PHF24: variants seen among roughly 807,000 people sequenced by gnomAD.
The protein encoded by PHF24 is Galpha inhibitory interacting protein.
A neutral mutation model predicts 42.6 loss-of-function variants in PHF24; 25 were observed. The ratio of observed to expected loss-of-function variants is 0.59; its 90% CI spans 0.43 to 0.82. PHF24 has a LOEUF of 0.82. Ranked by LOEUF, PHF24 falls within the 40% of genes least tolerant of loss-of-function variation. The pLI, the probability that PHF24 is intolerant of heterozygous loss-of-function variation, is 0.00. For missense variants in PHF24, 470 were observed against 538.1 expected (o/e 0.87, Z 1.25); for synonymous variants, 185 against 204.8 (o/e 0.90, Z 0.83).
At chr9:34,970,506 G>A (rs992671457) in intron 1 of PHF24, among the ~76,000 whole-genome samples, 14 of 152,132 alleles carry the variant, frequency 9.2e-5, no homozygotes, top group Admixed American at 1.3e-4. Context: ...ACATGGATAC[G>A]GGTGGCAGAG....
the PHF24 span, among the ~76,000 whole-genome samples, chr9:34,749,475 C>T: frequency 3.9e-5 from 6 of 152,022 alleles, no homozygotes; most frequent in African/African-American, 1.2e-4. Flanking sequence ...GCTCACACCT[C>T]TAATCTGAGC....
the PHF24 span, among the ~76,000 whole-genome samples, chr9:34,762,766 A>G: frequency 6.6e-6 from 1 of 152,058 alleles, no homozygotes; most frequent in Non-Finnish European, 1.5e-5. Flanking sequence ...ACATGAAGAC[A>G]TTGCCCATGC....
the PHF24 span, chr9:34,894,485 CT>C: frequency 2.5e-6 from 1 of 398,620 alleles, no homozygotes; most frequent in Non-Finnish European, 4.4e-6. Flanking sequence ...CGGCTTCTTC[CT>C]GTGAAGTTCT....
At chr9:34,703,886 G>T in the PHF24 span, among the ~76,000 whole-genome samples, 1 of 151,920 alleles carries the variant, frequency 6.6e-6, no homozygotes, top group East Asian at 1.9e-4. Context: ...TTTGGAATTG[G>T]TTTCAGGTTT....
chr9:34,931,659 C>T, the PHF24 span, among the ~76,000 whole-genome samples: 1 of 152,160 alleles, frequency 6.6e-6, no homozygotes, highest in Non-Finnish European at 1.5e-5. Flanking sequence ...CAAGTGCTTG[C>T]TCCTGCTTTG....
At chr9:34,914,970 T>C in the PHF24 span, among the ~76,000 whole-genome samples, 1 of 103,442 alleles carries the variant, frequency 9.7e-6, no homozygotes, top group Admixed American at 1.1e-4. Context: ...TTTTTTTTTT[T>C]TGGTAGAGAC....
chr9:34,807,893 A>G, the PHF24 span, among the ~76,000 whole-genome samples: 204 of 152,310 alleles, frequency 1.3e-3, no homozygotes, highest in African/African-American at 4.8e-3. Flanking sequence ...GTGCACTGAC[A>G]TAACAGTAAA....
the PHF24 span, among the ~76,000 whole-genome samples, chr9:34,798,147 T>C: frequency 6.6e-6 from 1 of 152,206 alleles, no homozygotes; most frequent in Non-Finnish European, 1.5e-5. Context: ...TCTATACATA[T>C]GTTAAAGTTC....
At chr9:34,789,901 C>A in the PHF24 span, among the ~76,000 whole-genome samples, 1 of 152,186 alleles carries the variant, frequency 6.6e-6, no homozygotes, top group African/African-American at 2.4e-5. Context: ...GGCTGGAATG[C>A]AGTGGTACCA....
the PHF24 span, among the ~76,000 whole-genome samples, chr9:34,777,926 C>T: frequency 8.5e-5 from 13 of 152,354 alleles, no homozygotes; most frequent in Non-Finnish European, 1.8e-4. Flanking sequence ...TCATGGGACT[C>T]TCCAGTGGCT....
At chr9:34,799,897 T>C in the PHF24 span, among the ~76,000 whole-genome samples, 2 of 152,140 alleles carry the variant, frequency 1.3e-5, no homozygotes, top group African/African-American at 2.4e-5. Context: ...ATGAAGATGG[T>C]GGTTAAAGAA....
At chr9:34,965,665 T>C (rs1826742464) in intron 1 of PHF24, among the ~76,000 whole-genome samples, 1 of 152,234 alleles carries the variant, frequency 6.6e-6, no homozygotes, top group Non-Finnish European at 1.5e-5. Context: ...AATAATGGTA[T>C]CCTTACAGTT....
At chr9:34,942,836 C>T in the PHF24 span, among the ~76,000 whole-genome samples, 700 of 151,728 alleles carry the variant, frequency 4.6e-3, 5 homozygotes, top group African/African-American at 0.016. Context: ...ACATCACACA[C>T]GGGAGCCTGT....
the PHF24 span, among the ~76,000 whole-genome samples, chr9:34,874,973 T>C: frequency 1.3e-5 from 2 of 152,108 alleles, no homozygotes; most frequent in African/African-American, 4.8e-5. Context: ...ATCTAATTAT[T>C]AACACATTTT....
At chr9:34,819,362 CTTAA>C in the PHF24 span, among the ~76,000 whole-genome samples, 1 of 151,910 alleles carries the variant, frequency 6.6e-6, no homozygotes, top group East Asian at 1.9e-4. Flanking sequence ...AAGGTGGAAT[CTTAA>C]TTTATTTGAG....
At chr9:34,982,170 TA>T (rs1364245548) in exon 8 of PHF24, 5 of 152,144 alleles carry the variant, frequency 3.3e-5, no homozygotes, top group African/African-American at 4.8e-5. Flanking sequence ...AACCCACAGT[TA>T]AGAACATCAA....
the PHF24 span, among the ~76,000 whole-genome samples, chr9:34,736,077 C>T: frequency 6.6e-6 from 1 of 151,458 alleles, no homozygotes; most frequent in Non-Finnish European, 1.5e-5. Flanking sequence ...TTTTCCTCCA[C>T]AGTGGAGGAA....
chr9:34,777,150 C>T, the PHF24 span, among the ~76,000 whole-genome samples: 1 of 152,108 alleles, frequency 6.6e-6, no homozygotes, highest in African/African-American at 2.4e-5. Context: ...GTGGTATATG[C>T]TTGTACTGGT....
the PHF24 span, among the ~76,000 whole-genome samples, chr9:34,799,125 T>TA: frequency 5.3e-5 from 8 of 151,836 alleles, no homozygotes; most frequent in East Asian, 7.7e-4. Context: ...AGACATACTT[T>TA]AAAAAAAAGC....
Sources: allele counts gnomAD v4.1 joint callset (sites outside exome capture counted in the v4.1 genomes callset), GRCh38; gene constraint gnomAD v4.1.1; transcripts MANE v1.5; gene names NCBI Gene and HGNC (gene_info 2026-07-23, HGNC 2026-07-21).